INPP4B: variants seen among roughly 807,000 people sequenced by gnomAD.
The protein encoded by INPP4B is inositol polyphosphate 4-phosphatase type II.
In INPP4B, 55 loss-of-function variants were observed where a neutral mutation model predicts 122.5. The observed-to-expected ratio is 0.45, with a 90% CI of 0.36 to 0.56. INPP4B has a LOEUF of 0.56. INPP4B is among the 20% of genes least tolerant of loss of function. The pLI, the probability that INPP4B is intolerant of heterozygous loss-of-function variation, is 0.00. For synonymous variants in INPP4B, 403 were observed against 388.7 expected, an observed-to-expected ratio of 1.04 and a Z score of -0.43; for missense variants, 1,000 against 1,097.7, an observed-to-expected ratio of 0.91 and a Z score of 1.26.
chr4:142,266,922 A>T (rs1340593487), intron 10 of INPP4B, among the ~76,000 whole-genome samples: 3 of 152,320 alleles, frequency 2.0e-5, no homozygotes, highest in East Asian at 3.9e-4. Context: ...CTTTACACTG[A>T]CAGCAAACTA....
intron 7 of INPP4B, among the ~76,000 whole-genome samples, chr4:142,367,186 ATATGTG>A (rs142248629): frequency 0.33 from 34,839 of 106,354 alleles, 4,384 homozygotes; most frequent in East Asian, 0.48. Context: ...TATACATGTA[ATATGTG>A]TGTGTGTGTG....
chr4:142,142,175 G>A (rs1057395472), intron 18 of INPP4B, among the ~76,000 whole-genome samples: 1 of 151,910 alleles, frequency 6.6e-6, no homozygotes, highest in Admixed American at 6.6e-5. Flanking sequence ...AAAGAAAGGA[G>A]CAAAATGGCT....
At chr4:142,559,087 G>A (rs918750108) in intron 2 of INPP4B, among the ~76,000 whole-genome samples, 2 of 152,126 alleles carry the variant, frequency 1.3e-5, no homozygotes, top group Non-Finnish European at 2.9e-5. Flanking sequence ...GATTTCAGTC[G>A]ACACAACTCT....
chr4:142,812,936 A>C (rs540381048), intron 1 of INPP4B, among the ~76,000 whole-genome samples: 1 of 152,326 alleles, frequency 6.6e-6, no homozygotes, highest in African/African-American at 2.4e-5. Flanking sequence ...CAAAAAATAA[A>C]AGGCTTTGCT....
At chr4:142,832,992 A>G (rs769841265) in intron 1 of INPP4B, among the ~76,000 whole-genome samples, 8 of 152,094 alleles carry the variant, frequency 5.3e-5, no homozygotes, top group Non-Finnish European at 1.0e-4. Context: ...TAATACGCAC[A>G]AAGGATTGTT....
chr4:142,312,083 G>T (rs1765722505), intron 8 of INPP4B, among the ~76,000 whole-genome samples: 1 of 152,194 alleles, frequency 6.6e-6, no homozygotes, highest in Admixed American at 6.5e-5. Context: ...GCATGTCACA[G>T]GATACCAATT....
At chr4:142,140,111 A>G (rs1806973302) in intron 18 of INPP4B, among the ~76,000 whole-genome samples, 1 of 152,236 alleles carries the variant, frequency 6.6e-6, no homozygotes, top group Non-Finnish European at 1.5e-5. Context: ...AAAAAAGGAC[A>G]TGAGTACCAA....
intron 2 of INPP4B, among the ~76,000 whole-genome samples, chr4:142,630,390 T>A (rs1747669779): frequency 6.6e-6 from 1 of 152,110 alleles, no homozygotes; most frequent in African/African-American, 2.4e-5. Context: ...TATTTAAAAA[T>A]TTTCAGGAAC....
intron 2 of INPP4B, among the ~76,000 whole-genome samples, chr4:142,568,647 A>G (rs1732158155): frequency 6.6e-6 from 1 of 152,156 alleles, no homozygotes; most frequent in Admixed American, 6.6e-5. Flanking sequence ...TCTCTTTGCC[A>G]TCACTGATAT....
At chr4:142,227,264 T>C (rs192296904) in intron 12 of INPP4B, among the ~76,000 whole-genome samples, 31 of 152,252 alleles carry the variant, frequency 2.0e-4, no homozygotes, top group African/African-American at 6.7e-4. Flanking sequence ...GAGGTCATCT[T>C]ACTACCAGGA....
intron 16 of INPP4B, among the ~76,000 whole-genome samples, chr4:142,162,580 A>C (rs1820632981): frequency 6.6e-6 from 1 of 151,912 alleles, no homozygotes; most frequent in East Asian, 1.9e-4. Flanking sequence ...CTACATTTCA[A>C]GTCTCCACAA....
rs1744738699 is a variant in INPP4B at position 142,620,763 on chromosome 4, TTTCAGATTTTGTTCAAG to T, written c.-191+105059_-191+105075del. On this transcript the variant is annotated intron_variant, in intron 2 of 25. Transcript: ENST00000262992. ...GCAGAGTCAAAAGAAAAATTCAAGT[TTTCAGATTTTGTTCAAG>T]TTTTTAATTGTTTCATTATTTTCAG... is the stretch of plus-strand genomic sequence containing the variant. Among the ~76,000 whole-genome samples, 3 of 152,030 alleles carry T rather than the reference TTTCAGATTTTGTTCAAG, an allele frequency of 2.0e-5. No homozygotes were observed. In the South Asian group the frequency reaches 6.2e-4, roughly 31 times the overall value.
chr4:142,139,421 C>A (rs1806538823), intron 18 of INPP4B, among the ~76,000 whole-genome samples: 1 of 152,108 alleles, frequency 6.6e-6, no homozygotes, highest in African/African-American at 2.4e-5. Context: ...ATTCTCTAGC[C>A]TCAGCCTCCC....
intron 18 of INPP4B, among the ~76,000 whole-genome samples, chr4:142,126,042 G>A (rs1024777377): frequency 6.6e-6 from 1 of 152,076 alleles, no homozygotes; most frequent in Non-Finnish European, 1.5e-5. Flanking sequence ...ATTTCTAACA[G>A]GCATCAATTA....
intron 7 of INPP4B, among the ~76,000 whole-genome samples, chr4:142,356,375 G>A (rs907955736): frequency 2.0e-5 from 3 of 151,346 alleles, no homozygotes; most frequent in Non-Finnish European, 4.4e-5. Flanking sequence ...CAGGGGTCAA[G>A]TAAGGGAGAA....
intron 1 of INPP4B, among the ~76,000 whole-genome samples, chr4:142,791,358 T>C: frequency 6.6e-6 from 1 of 152,150 alleles, no homozygotes; most frequent in South Asian, 2.1e-4. Flanking sequence ...AATGGCTGTA[T>C]ACTAAAGGGT....
intron 1 of INPP4B, among the ~76,000 whole-genome samples, chr4:142,734,944 C>A (rs945417663): frequency 6.6e-6 from 1 of 152,064 alleles, no homozygotes; most frequent in African/African-American, 2.4e-5. Context: ...CATGCCTGGC[C>A]GATTTTTTAA....
chr4:142,830,162 T>C (rs138507907), intron 1 of INPP4B, among the ~76,000 whole-genome samples: 10 of 152,302 alleles, frequency 6.6e-5, no homozygotes, highest in African/African-American at 2.4e-4. Context: ...TACATGTATC[T>C]ACACATATAT....
intron 21 of INPP4B, among the ~76,000 whole-genome samples, chr4:142,117,567 G>A (rs547707231): frequency 1.6e-4 from 24 of 152,132 alleles, no homozygotes; most frequent in Non-Finnish European, 2.8e-4. Context: ...AAAATCACAC[G>A]ACTATCTCAA....
Sources: allele counts gnomAD v4.1 joint callset (sites outside exome capture counted in the v4.1 genomes callset), GRCh38; gene constraint gnomAD v4.1.1; transcripts MANE v1.5; gene names NCBI Gene and HGNC (gene_info 2026-07-23, HGNC 2026-07-21).